Variants in KIAA1217 observed in about 807,000 individuals in gnomAD.
KIAA1217 encodes KIAA1217, also known as sickle tail protein homolog.
KIAA1217 carries 88 observed loss-of-function variants against 163.9 expected under a neutral mutation model. The ratio of observed to expected loss-of-function variants is 0.54; its 90% CI spans 0.45 to 0.64. The LOEUF (loss-of-function observed/expected upper bound fraction) is 0.64, where lower values mean the gene tolerates loss of function less well. KIAA1217 is among the 30% of genes least tolerant of loss of function. The pLI is 0.00. For missense variants in KIAA1217, 2,372 were observed against 2,475.0 expected (o/e 0.96, Z 0.88); for synonymous variants, 903 against 923.1 (o/e 0.98, Z 0.39).
At chr10:24,266,004 A>G (rs573850079) in intron 2 of KIAA1217, among the ~76,000 whole-genome samples, 10 of 152,292 alleles carry the variant, frequency 6.6e-5, no homozygotes, top group African/African-American at 2.2e-4. Flanking sequence ...AAGGGCAGAA[A>G]GATACTTTGT....
chr10:24,496,141 G>A (rs145873284), intron 8 of KIAA1217, among the ~76,000 whole-genome samples: 4 of 152,376 alleles, frequency 2.6e-5, no homozygotes, highest in African/African-American at 7.2e-5. Context: ...TGTGCAGCAC[G>A]GTAGAGTAGA....
intron 1 of KIAA1217, among the ~76,000 whole-genome samples, chr10:23,995,206 T>C: frequency 6.6e-6 from 1 of 152,140 alleles, no homozygotes; most frequent in Non-Finnish European, 1.5e-5. Flanking sequence ...CATGGTCTCC[T>C]GGAAGATCCT....
intron 1 of KIAA1217, among the ~76,000 whole-genome samples, chr10:23,936,015 C>A (rs1247424855): frequency 6.6e-6 from 1 of 152,082 alleles, no homozygotes; most frequent in Non-Finnish European, 1.5e-5. Flanking sequence ...ATCCCCAATC[C>A]CTGTCCAAAT....
chr10:24,256,046 CAAAAAAA>C (rs11358712), intron 2 of KIAA1217, among the ~76,000 whole-genome samples: 3 of 79,102 alleles, frequency 3.8e-5, no homozygotes, highest in African/African-American at 5.0e-5. Context: ...CTCAGATGAC[CAAAAAAA>C]AAAAAAAAAA....
At chr10:24,104,504 G>A (rs763789413) in intron 2 of KIAA1217, among the ~76,000 whole-genome samples, 1 of 152,200 alleles carries the variant, frequency 6.6e-6, no homozygotes, top group Non-Finnish European at 1.5e-5. Context: ...TGGTTGTCAG[G>A]TTCTGGGAGG....
chr10:23,712,667 T>C (rs1287927992), intron 1 of KIAA1217, among the ~76,000 whole-genome samples: 1 of 152,080 alleles, frequency 6.6e-6, no homozygotes, highest in Non-Finnish European at 1.5e-5. Flanking sequence ...GCAGTTGAGT[T>C]TTCTTTTCAT....
intron 2 of KIAA1217, among the ~76,000 whole-genome samples, chr10:24,013,613 T>C (rs1847345052): frequency 6.6e-6 from 1 of 152,160 alleles, no homozygotes; most frequent in Non-Finnish European, 1.5e-5. Flanking sequence ...AGTGGCTCTA[T>C]TATGTGCAGA....
chr10:24,075,157 CA>C (rs2061330365), intron 2 of KIAA1217, among the ~76,000 whole-genome samples: 1 of 148,228 alleles, frequency 6.7e-6, no homozygotes, highest in African/African-American at 2.6e-5. Context: ...CACACACACA[CA>C]CACACACCCC....
At chr10:24,077,485 T>C (rs183610943) in intron 2 of KIAA1217, among the ~76,000 whole-genome samples, 4 of 152,358 alleles carry the variant, frequency 2.6e-5, no homozygotes, top group African/African-American at 9.6e-5. Flanking sequence ...TCCAGCTCCA[T>C]CTATGTCCCT....
At chr10:23,982,677 C>A (rs1473985076) in intron 1 of KIAA1217, among the ~76,000 whole-genome samples, 3 of 151,562 alleles carry the variant, frequency 2.0e-5, no homozygotes, top group Admixed American at 1.3e-4. Flanking sequence ...GAGTCTCCTG[C>A]CTTAGCCTCC....
At chr10:23,771,830 C>G (rs1834808741) in intron 1 of KIAA1217, among the ~76,000 whole-genome samples, 1 of 152,180 alleles carries the variant, frequency 6.6e-6, no homozygotes, top group Non-Finnish European at 1.5e-5. Flanking sequence ...GTGGTGTGCC[C>G]AGGGGGACAA....
intron 1 of KIAA1217, among the ~76,000 whole-genome samples, chr10:23,726,304 GTT>G (rs35157466): frequency 7.3e-6 from 1 of 137,500 alleles, no homozygotes; most frequent in African/African-American, 2.6e-5. Flanking sequence ...CATGAGTTTG[GTT>G]TTTTTTTTTT....
chr10:23,964,465 C>T (rs1335526942), intron 1 of KIAA1217, among the ~76,000 whole-genome samples: 2 of 152,018 alleles, frequency 1.3e-5, no homozygotes, highest in Non-Finnish European at 2.9e-5. Flanking sequence ...GTTGCCATTG[C>T]TTTTGGTGTT....
At position 23,934,574 on chromosome 10, in the gene KIAA1217, TA is replaced by T. The variant is rs1564545508; in HGVS notation, c.-320-72650del. On this transcript the variant is annotated intron_variant, in intron 1 of 18. Coordinates refer to the KIAA1217 transcript ENST00000376462. ...TCTTTAAAGTATATATATATATATA[TA>T]TATATATATATATATGTATATATAT... Among the ~76,000 whole-genome samples, 36 of 81,592 alleles carry T rather than the reference TA, an allele frequency of 4.4e-4. 3 individuals carry two copies. The highest frequency in any genetic ancestry group is 3.0e-3 in the African/African-American group (35 of 11,554). 53.5% of individuals were successfully genotyped at this position (81,592 alleles called of 152,430 possible).
At chr10:23,887,324 G>A (rs929906059) in intron 1 of KIAA1217, among the ~76,000 whole-genome samples, 2 of 151,786 alleles carry the variant, frequency 1.3e-5, no homozygotes, top group Non-Finnish European at 2.9e-5. Context: ...GGACACAGTG[G>A]GTTGTTAGTT....
intron 1 of KIAA1217, among the ~76,000 whole-genome samples, chr10:23,757,346 A>G (rs555567236): frequency 1.6e-4 from 24 of 152,184 alleles, no homozygotes; most frequent in African/African-American, 5.5e-4. Flanking sequence ...AGCATTGCAC[A>G]AGGGTTCTAA....
chr10:23,937,436 C>T (rs1843579006), intron 1 of KIAA1217, among the ~76,000 whole-genome samples: 1 of 152,116 alleles, frequency 6.6e-6, no homozygotes, highest in Non-Finnish European at 1.5e-5. Context: ...TGTGGTTGGC[C>T]CATCTTTTAC....
At chr10:23,749,632 C>G (rs1425741236) in intron 1 of KIAA1217, among the ~76,000 whole-genome samples, 2 of 152,178 alleles carry the variant, frequency 1.3e-5, no homozygotes, top group African/African-American at 4.8e-5. Flanking sequence ...GTCTTGATCT[C>G]TTGACCTTGT....
chr10:23,750,508 G>A (rs937436272), intron 1 of KIAA1217, among the ~76,000 whole-genome samples: 2 of 151,976 alleles, frequency 1.3e-5, no homozygotes, highest in African/African-American at 4.8e-5. Context: ...CGGTGGGCTT[G>A]GTGGCTCTCC....
Sources: gnomAD v4.1 joint callset for allele counts (sites outside exome capture counted in the v4.1 genomes callset) on GRCh38, gnomAD v4.1.1 for gene constraint, MANE v1.5 for transcripts, NCBI Gene and HGNC (gene_info 2026-07-23, HGNC 2026-07-21) for gene names.